HYCC2: variants seen among roughly 807,000 people sequenced by gnomAD.
HYCC2 encodes the protein hyccin 2.
the HYCC2 span, chr2:201,063,649 T>C: frequency 5.1e-6 from 8 of 1,573,240 alleles, no homozygotes; most frequent in African/African-American, 2.7e-5. Flanking sequence ...AAGAGATGAC[T>C]AGTGCTTCAT....
the HYCC2 span, among the ~76,000 whole-genome samples, chr2:200,985,426 T>G: frequency 4.6e-5 from 7 of 152,006 alleles, no homozygotes; most frequent in Non-Finnish European, 7.4e-5. Flanking sequence ...CCTGGGAGGC[T>G]GAGGTGGGCA....
chr2:201,049,562 C>T, the HYCC2 span, among the ~76,000 whole-genome samples: 1 of 151,340 alleles, frequency 6.6e-6, no homozygotes, highest in Non-Finnish European at 1.5e-5. Context: ...ACCACGTTGG[C>T]CAGGGTGGTC....
the HYCC2 span, chr2:200,992,315 C>T: frequency 6.2e-7 from 1 of 1,611,978 alleles, no homozygotes; most frequent in Non-Finnish European, 8.5e-7. Flanking sequence ...TAGCTGGGCT[C>T]TATAAATGAT....
chr2:200,978,154 C>G, the HYCC2 span: 3 of 152,084 alleles, frequency 2.0e-5, no homozygotes, highest in African/African-American at 7.2e-5. Context: ...TGAAACAAAA[C>G]TATTTTAAAT....
chr2:201,039,077 G>A, the HYCC2 span, among the ~76,000 whole-genome samples: 25 of 152,152 alleles, frequency 1.6e-4, no homozygotes, highest in East Asian at 4.6e-3. Flanking sequence ...TATATGGCTG[G>A]AATAGACTCA....
At chr2:200,986,611 G>A in the HYCC2 span, among the ~76,000 whole-genome samples, 3 of 152,200 alleles carry the variant, frequency 2.0e-5, no homozygotes, top group South Asian at 2.1e-4. Flanking sequence ...TCCATGTTGC[G>A]ATACCTACAT....
the HYCC2 span, among the ~76,000 whole-genome samples, chr2:201,008,618 G>C: frequency 1.6e-4 from 24 of 145,522 alleles, no homozygotes; most frequent in Middle Eastern, 3.2e-3. Context: ...AAATGGGCCA[G>C]GTGCAGTGGC....
At chr2:201,018,927 A>C in the HYCC2 span, among the ~76,000 whole-genome samples, 6 of 152,322 alleles carry the variant, frequency 3.9e-5, no homozygotes, top group South Asian at 1.2e-3. Context: ...AAGACACTAA[A>C]TTCAGGTCTT....
the HYCC2 span, chr2:200,992,452 T>C: frequency 4.1e-6 from 4 of 972,422 alleles, no homozygotes; most frequent in Admixed American, 8.2e-5. Flanking sequence ...GTCCTGCTAT[T>C]TTGGTTGTGA....
At chr2:201,027,685 A>G in the HYCC2 span, among the ~76,000 whole-genome samples, 2 of 152,196 alleles carry the variant, frequency 1.3e-5, no homozygotes, top group South Asian at 4.1e-4. Context: ...AACGTAACCC[A>G]TCACATAAAG....
the HYCC2 span, among the ~76,000 whole-genome samples, chr2:201,033,889 C>T: frequency 6.6e-6 from 1 of 151,752 alleles, no homozygotes; most frequent in Non-Finnish European, 1.5e-5. Context: ...TTGATATATA[C>T]TTTATCAGAA....
the HYCC2 span, among the ~76,000 whole-genome samples, chr2:201,027,822 A>C: frequency 6.6e-6 from 1 of 152,212 alleles, no homozygotes; most frequent in East Asian, 1.9e-4. Flanking sequence ...ACTCAAAATA[A>C]TAACAGCTAT....
the HYCC2 span, among the ~76,000 whole-genome samples, chr2:201,005,987 C>G: frequency 6.6e-6 from 1 of 152,090 alleles, no homozygotes; most frequent in African/African-American, 2.4e-5. Flanking sequence ...GCATGCGCCA[C>G]CACGCCTGGC....
chr2:201,063,308 G>A, the HYCC2 span: 1 of 1,535,238 alleles, frequency 6.5e-7, no homozygotes. Flanking sequence ...AGCTATGAAT[G>A]CAAGGCCACA....
chr2:201,060,519 C>A, the HYCC2 span, among the ~76,000 whole-genome samples: 1 of 152,264 alleles, frequency 6.6e-6, no homozygotes, highest in East Asian at 1.9e-4. Context: ...GGAGGTCCAG[C>A]AACCATTAGG....
the HYCC2 span, chr2:201,021,748 A>G: frequency 4.2e-6 from 1 of 238,924 alleles, no homozygotes; most frequent in Admixed American, 5.2e-5. Context: ...GTTAAGACAG[A>G]GCAAAACAAG....
At chr2:201,027,219 A>T in the HYCC2 span, among the ~76,000 whole-genome samples, 3 of 152,232 alleles carry the variant, frequency 2.0e-5, no homozygotes, top group Non-Finnish European at 2.9e-5. Context: ...TCTAGAAGAA[A>T]TGGATAAATT....
the HYCC2 span, chr2:200,981,407 GATT>G: frequency 1.2e-6 from 2 of 1,614,098 alleles, no homozygotes; most frequent in Non-Finnish European, 8.5e-7. The surrounding 1 kb of genome is among the most constrained non-coding windows in gnomAD (Gnocchi z 4.5). Context: ...GTTGAGTATC[GATT>G]AGCATTGTTG....
chr2:201,002,422 TTAG>T, the HYCC2 span, among the ~76,000 whole-genome samples: 1 of 152,028 alleles, frequency 6.6e-6, no homozygotes, highest in South Asian at 2.1e-4. Flanking sequence ...GTATTGGGAG[TTAG>T]TAGGAGGAAA....
Sources: gnomAD v4.1 joint callset for allele counts (sites outside exome capture counted in the v4.1 genomes callset) on GRCh38, gnomAD v4.1.1 for gene constraint, Gnocchi (gnomAD v3.1) non-coding constraint, MANE v1.5 for transcripts, NCBI Gene and HGNC (gene_info 2026-07-23, HGNC 2026-07-21) for gene names.